The following MAPK8IP3 variants were observed in gnomAD, a reference collection of about 807,000 sequenced individuals.
MAPK8IP3 encodes the protein mitogen-activated protein kinase 8 interacting protein 3.
Under a neutral mutation model 157.8 loss-of-function variants are expected in MAPK8IP3, and 49 were observed. The ratio of observed to expected loss-of-function variants is 0.31; its 90% confidence interval spans 0.25 to 0.39. The LOEUF (loss-of-function observed/expected upper bound fraction) is 0.39, where lower values mean the gene tolerates loss of function less well. Ranked by LOEUF, MAPK8IP3 falls within the 10% of genes least tolerant of loss-of-function variation. The pLI is 1.00. For synonymous variants in MAPK8IP3, 897 were observed against 777.7 expected, an observed-to-expected ratio of 1.15 and a Z score of -2.55; for missense variants, 1,478 against 1,889.4, an observed-to-expected ratio of 0.78 and a Z score of 4.04.
In MAPK8IP3 at chr16:1,764,379, C is replaced by T. The variant is rs1254891504; in HGVS notation, c.2200C>T (p.Pro734Ser). Residue 734 changes from proline (P) to serine (S), a missense_variant, in exon 19 of 32, where the codon CCA (proline) becomes TCA (serine). This residue lies in a region of MAPK8IP3 where 669 missense variants were observed against 759.8 expected (regional missense o/e 0.88). Coordinates refer to ENST00000610761, the MANE Select transcript of MAPK8IP3 (RefSeq NM_001318852.2). ...CGCTGGGAATGGAGTCAAGCCAGCG[C>T]CAGGCCGCGATCCCCTGACCTGCGA... is the stretch of plus-strand genomic sequence containing the variant. ...DDAGNGVKPA[P>S]GRDPLTCDRE... The T allele has an allele frequency of 1.3e-6, 2 of 1,592,428 alleles. No individual in the cohort carries two copies. The highest frequency in any genetic ancestry group is 1.7e-6 in the Non-Finnish European group (2 of 1,170,980).
chr16:1,734,565 G>GC (rs1206389915), intron 4 of MAPK8IP3, among the ~76,000 whole-genome samples: 5 of 152,222 alleles, frequency 3.3e-5, no homozygotes, highest in African/African-American at 4.8e-5. Context: ...GGAAGGCACG[G>GC]CCCCCCTCCC....
rs71385714 is a variant in MAPK8IP3, at chr16:1,764,394, C to T, written c.2215C>T (p.Leu739=). 1.2e-5 allele frequency: 20 copies of T among 1,600,950 alleles called. No individual in the cohort carries two copies. The highest frequency in any genetic ancestry group is 5.3e-5 in the African/African-American group (4 of 74,870). Residue 739 remains leucine (L), a synonymous_variant, in exon 19 of 32, where the codon CTG becomes TTG. Coordinates refer to ENST00000610761, the MANE Select transcript of MAPK8IP3 (RefSeq NM_001318852.2). The stretch of plus-strand genomic sequence containing the variant: ...CAAGCCAGCGCCAGGCCGCGATCCC[C>T]TGACCTGCGACCGCGAAGGAGACGG... The part of the protein sequence containing the change: ...GVKPAPGRDP[L]TCDREGDGEP...
At position 1,768,714 on chromosome 16, in the gene MAPK8IP3, G is replaced by A; in HGVS notation, c.3904G>A (p.Asp1302Asn). The change falls in exon 32 of 32, where the codon GAC (aspartate) becomes AAC (asparagine). Residue 1302 changes from aspartate to asparagine, a missense_variant. This residue lies in a region of MAPK8IP3 where 133 missense variants were observed against 133.4 expected (regional missense o/e 1.00). Coordinates refer to ENST00000610761, the MANE Select transcript of MAPK8IP3 (RefSeq NM_001318852.2). ...TGCTTTGCCCGCAGGAGACGGAGAGGACGACGAGACGGAGGAGGGCGCAGG... is the reference window on the plus strand; with the variant it reads ...TGCTTTGCCCGCAGGAGACGGAGAGAACGACGAGACGGAGGAGGGCGCAGG... ...YIDFRIGDGE[D>N]DETEEGAGDM... The A allele has an allele frequency of 6.2e-7, 1 of 1,611,752 alleles. No homozygotes were observed. Among genetic ancestry groups the A allele is most frequent in the Non-Finnish European group, 8.5e-7 (1 of 1,179,078 alleles).
At position 1,764,342 on chromosome 16, in the gene MAPK8IP3, C is replaced by T. The variant is rs780994209; in HGVS notation, c.2163C>T (p.Pro721=). The change falls in exon 19 of 32, where the codon CCC becomes CCT. Residue 721 remains proline, a synonymous_variant. Transcript: ENST00000610761. ...GCGTCAACCTGAGCGGGTGGAGGCC[C>T]AATGAGGACGACGCTGGGAATGGAG... ...AAGVNLSGWR[P]NEDDAGNGVK... 1.3e-6 allele frequency: 2 copies of T among 1,578,294 alleles called. No individual in the cohort carries two copies. The highest frequency in any genetic ancestry group is 1.7e-6 in the Non-Finnish European group (2 of 1,163,230).
chr16:1,766,235 T>G lies in MAPK8IP3; in HGVS notation c.2645T>G (p.Ile882Ser). The G allele has an allele frequency of 1.2e-6, 2 of 1,609,622 alleles. No individual in the cohort carries two copies. Among genetic ancestry groups the G allele is most frequent in the Non-Finnish European group, 1.7e-6 (2 of 1,178,168 alleles). ...CCTAACACAGGGGAGGTGGCCACCATCGCCAACGGGAAGGTCAACCCGTCC... is the reference window on the plus strand; with the variant it reads ...CCTAACACAGGGGAGGTGGCCACCAGCGCCAACGGGAAGGTCAACCCGTCC... ...LDKGQGEVATIANGKVNPSQS... is the reference protein window; with the variant it reads ...LDKGQGEVATSANGKVNPSQS... The change falls in exon 22 of 32, where the codon ATC (isoleucine) becomes AGC (serine). Residue 882 changes from isoleucine (I) to serine (S), a missense_variant. Transcript: ENST00000610761.
chr16:1,712,219 GC>G, intron 1 of MAPK8IP3, among the ~76,000 whole-genome samples: 1 of 151,586 alleles, frequency 6.6e-6, no homozygotes, highest in African/African-American at 2.4e-5. Context: ...CCGCCAACAC[GC>G]CCGGCTAATT....
chr16:1,752,631 C>T (rs1324326322), intron 8 of MAPK8IP3: 2 of 237,876 alleles, frequency 8.4e-6, no homozygotes, highest in East Asian at 1.7e-4. Flanking sequence ...ACCTGTAAGT[C>T]CCAGCTACTT....
rs562852845 is a variant in MAPK8IP3, at chr16:1,768,885, G to T, written c.*61G>T. On this transcript the variant is annotated 3_prime_UTR_variant, in exon 32 of 32. Transcript: ENST00000610761. ...ACCCCCGACCACCTGACCCCCGCCC[G>T]GCCCGCGGGGTAGCCAGCCAGGCGC... 1 of 1,581,984 alleles carries T rather than the reference G, an allele frequency of 6.3e-7. No individual in the cohort carries two copies. The highest frequency in any genetic ancestry group is 1.3e-5 in the African/African-American group (1 of 74,204).
rs1400278661 is a variant in MAPK8IP3 at position 1,739,381 on chromosome 16, CGT to C, written c.603-3947_603-3946del. Reference sequence around the variant, plus strand: ...CCGTGTGAGCATCCGTGTGACCGTCCGTGTGAGCATCCGTGTGACCGTCCATG... The same window carrying C: ...CCGTGTGAGCATCCGTGTGACCGTCCGTGAGCATCCGTGTGACCGTCCATG... On this transcript the variant is annotated intron_variant, in intron 4 of 31. Coordinates refer to ENST00000610761, the MANE Select transcript of MAPK8IP3 (RefSeq NM_001318852.2). Among the ~76,000 whole-genome samples the C allele has an allele frequency of 3.7e-5, 5 of 136,596 alleles. No individual in the cohort carries two copies. The East Asian group carries it at 9.4e-4, about 26-fold the overall frequency. The allele number at this position is 136,596 out of a possible 152,430, so 89.6% of individuals were successfully genotyped here.
intron 4 of MAPK8IP3, among the ~76,000 whole-genome samples, chr16:1,732,789 C>T (rs1043756158): frequency 2.0e-5 from 3 of 147,244 alleles, no homozygotes; most frequent in Admixed American, 6.7e-5. Context: ...GCCAGCCATC[C>T]GCCCACCTGG....
chr16:1,739,079 ACCAT>A (rs1434095658), intron 4 of MAPK8IP3, among the ~76,000 whole-genome samples: 1 of 111,574 alleles, frequency 9.0e-6, no homozygotes, highest in Non-Finnish European at 1.8e-5. Context: ...TGTGAGTGTG[ACCAT>A]CCATGTGAGC....
At chr16:1,761,156 T>TATGTGTTCCCGAGGCCCCTGGAG in intron 12 of MAPK8IP3, 68 bp from the exon 13 acceptor site, 2 of 1,295,516 alleles carry the variant, frequency 1.5e-6, no homozygotes, top group Non-Finnish European at 2.2e-6. Context: ...GGGCGGGCAC[T>TATGTGTTCCCGAGGCCCCTGGAG]GCCCGCTATG....
intron 28 of MAPK8IP3, 28 bp downstream of exon 28, chr16:1,767,946 A>G: frequency 6.2e-7 from 1 of 1,607,098 alleles, no homozygotes; most frequent in Non-Finnish European, 8.5e-7. Flanking sequence ...CTGCAGGGGC[A>G]GTGGTGCTGC....
chr16:1,721,219 A>G (rs560106099), intron 1 of MAPK8IP3, among the ~76,000 whole-genome samples: 1 of 142,094 alleles, frequency 7.0e-6, no homozygotes, highest in Non-Finnish European at 1.5e-5. Flanking sequence ...TGTAATCCCA[A>G]CTACTCGGGA....
In MAPK8IP3 at chr16:1,751,219, G is replaced by T. The variant is rs1265035597; in HGVS notation, c.1216+2499G>T. 6.6e-6 allele frequency among the ~76,000 whole-genome samples: 1 copy of T among 151,872 alleles called. No homozygotes were observed. Among genetic ancestry groups the T allele is most frequent in the Non-Finnish European group, 1.5e-5 (1 of 67,976 alleles). On this transcript the variant is annotated intron_variant, in intron 8 of 31. Coordinates refer to ENST00000610761, the MANE Select transcript of MAPK8IP3 (RefSeq NM_001318852.2). This position sits in a 1 kb window ranked among gnomAD's most constrained non-coding sequence, Gnocchi z 5.0. ...GCCCGTAATCCCAGCACTTTGGGAG[G>T]CCGAGGCGGGTGGATTGCTTGAAGT...
chr16:1,746,965 G>C, intron 5 of MAPK8IP3, 64 bp from the exon 6 acceptor site: 1 of 1,565,888 alleles, frequency 6.4e-7, no homozygotes, highest in South Asian at 1.2e-5. Flanking sequence ...AGGCAGCCAC[G>C]GCGGAGCCGC....
intron 1 of MAPK8IP3, among the ~76,000 whole-genome samples, chr16:1,719,866 A>G (rs544330753): frequency 6.6e-6 from 1 of 152,198 alleles, no homozygotes; most frequent in Admixed American, 6.6e-5. Flanking sequence ...AAACAAACCA[A>G]AAAGTATAAA....
At chr16:1,739,400 CCGTCCATGTGAGCATCCCTGTG>C (rs2040447186) in intron 4 of MAPK8IP3, among the ~76,000 whole-genome samples, 1 of 135,466 alleles carries the variant, frequency 7.4e-6, no homozygotes, top group African/African-American at 2.8e-5. Flanking sequence ...ATCCGTGTGA[CCGTCCATGTGAGCATCCCTGTG>C]ACCGTCCGTG....
At chr16:1,709,297 C>G (rs2037602121) in intron 1 of MAPK8IP3, among the ~76,000 whole-genome samples, 1 of 152,186 alleles carries the variant, frequency 6.6e-6, no homozygotes, top group South Asian at 2.1e-4. Context: ...AGAGACTGAC[C>G]CAAGCCGTGG....
Sources: gnomAD v4.1 joint callset for allele counts (sites outside exome capture counted in the v4.1 genomes callset) on GRCh38, gnomAD v4.1.1 for gene constraint, gnomAD v4.1.1 regional missense constraint, Gnocchi (gnomAD v3.1) non-coding constraint, MANE v1.5 for transcripts, NCBI Gene and HGNC (gene_info 2026-07-23, HGNC 2026-07-21) for gene names.